ST6GALNAC5: variants seen among roughly 807,000 people sequenced by gnomAD.
ST6GALNAC5 encodes the protein ST6 N-acetylgalactosaminide alpha-2,6-sialyltransferase 5.
ST6GALNAC5 carries 27 observed loss-of-function variants against 33.6 expected under a neutral mutation model. The ratio of observed to expected loss-of-function variants is 0.80; its 90% CI spans 0.59 to 1.11. The LOEUF (loss-of-function observed/expected upper bound fraction) is 1.11. Among genes scored for constraint, ST6GALNAC5 ranks in the 50% least tolerant of loss-of-function variants. The probability of loss-of-function intolerance (pLI) is 0.00; values close to 1 mark genes in which losing one functional copy is unlikely to be tolerated. For synonymous variants in ST6GALNAC5, 194 were observed against 171.2 expected, an observed-to-expected ratio of 1.13 and a Z score of -1.04; for missense variants, 428 against 454.0, an observed-to-expected ratio of 0.94 and a Z score of 0.52.
intron 2 of ST6GALNAC5, among the ~76,000 whole-genome samples, chr1:77,015,686 A>G (rs1299927093): frequency 6.6e-6 from 1 of 152,052 alleles, no homozygotes; most frequent in East Asian, 1.9e-4. Flanking sequence ...ACCTGCCTCA[A>G]TTTTGGGGTG....
chr1:76,904,416 A>G (rs1257264067), intron 2 of ST6GALNAC5, among the ~76,000 whole-genome samples: 3 of 152,214 alleles, frequency 2.0e-5, no homozygotes, highest in Admixed American at 1.3e-4. Flanking sequence ...ATATCCATCA[A>G]TATTTGAACA....
At chr1:76,874,559 G>A (rs947348327) in intron 2 of ST6GALNAC5, among the ~76,000 whole-genome samples, 5 of 152,164 alleles carry the variant, frequency 3.3e-5, no homozygotes, top group Non-Finnish European at 7.3e-5. Flanking sequence ...TTTAGAGTCC[G>A]ATATTCAAGG....
chr1:76,948,717 T>C (rs1268513195), intron 2 of ST6GALNAC5, among the ~76,000 whole-genome samples: 1 of 151,950 alleles, frequency 6.6e-6, no homozygotes, highest in Admixed American at 6.6e-5. Context: ...TCCTCCCACA[T>C]AACTACTCCC....
Position 77,004,380 on chromosome 1 carries a change from G to A in ST6GALNAC5, c.262-39824G>A, listed in dbSNP as rs1254738918. Among the ~76,000 whole-genome samples, 558 of 146,938 alleles carry A rather than the reference G, an allele frequency of 3.8e-3. 5 individuals carry two copies. The highest frequency in any genetic ancestry group is 0.013 in the African/African-American group (520 of 40,654). ...GCACTTCTCTGTATTGGTTATTCTA[G>A]TTATACATTCTTCTAAATTTTTTCA... On this transcript the variant is annotated intron_variant, in intron 2 of 4. Coordinates refer to ENST00000477717, the MANE Select transcript of ST6GALNAC5 (RefSeq NM_030965.3).
At chr1:76,896,974 G>T (rs2100258906) in intron 2 of ST6GALNAC5, among the ~76,000 whole-genome samples, 1 of 152,252 alleles carries the variant, frequency 6.6e-6, no homozygotes, top group South Asian at 2.1e-4. Flanking sequence ...CCATGCCTAG[G>T]AAGGAAAGGA....
At chr1:76,875,732 C>T (rs1162834792) in intron 2 of ST6GALNAC5, among the ~76,000 whole-genome samples, 7 of 152,090 alleles carry the variant, frequency 4.6e-5, no homozygotes, top group Non-Finnish European at 1.0e-4. Flanking sequence ...TTCCTGGACC[C>T]GTGCATCCTG....
At position 76,967,735 on chromosome 1, in the gene ST6GALNAC5, C is replaced by G. The variant is rs528382108; in HGVS notation, c.262-76469C>G. Among the ~76,000 whole-genome samples the G allele has an allele frequency of 2.0e-5, 3 of 152,274 alleles. No individual in the cohort carries two copies. The East Asian group carries it at 5.8e-4, about 29-fold the overall frequency. ...TGGGCAGTTAGTGCTATAAATTTCCCTCTACACACTGCTTTAAATGTGTCC... is the reference window on the plus strand; with the variant it reads ...TGGGCAGTTAGTGCTATAAATTTCCGTCTACACACTGCTTTAAATGTGTCC... On this transcript the variant is annotated intron_variant, in intron 2 of 4. Coordinates refer to ENST00000477717, the MANE Select transcript of ST6GALNAC5 (RefSeq NM_030965.3).
chr1:77,054,713 T>C (rs1652335339), intron 4 of ST6GALNAC5, among the ~76,000 whole-genome samples: 1 of 152,088 alleles, frequency 6.6e-6, no homozygotes, highest in Admixed American at 6.6e-5. Flanking sequence ...AGGGGAAGTG[T>C]AGGTAACCTG....
At chr1:76,973,901 T>G (rs1407033871) in intron 2 of ST6GALNAC5, among the ~76,000 whole-genome samples, 1 of 102,400 alleles carries the variant, frequency 9.8e-6, no homozygotes, top group Non-Finnish European at 1.9e-5. Context: ...AGTTTTATGT[T>G]CTGTTTGGAT....
chr1:76,918,285 AT>A (rs1184353158), intron 2 of ST6GALNAC5, among the ~76,000 whole-genome samples: 2 of 152,076 alleles, frequency 1.3e-5, no homozygotes, highest in Admixed American at 6.6e-5. Flanking sequence ...TGTTTGGGTC[AT>A]TTTTACCACA....
chr1:76,906,974 A>G (rs975770542), intron 2 of ST6GALNAC5, among the ~76,000 whole-genome samples: 2 of 152,126 alleles, frequency 1.3e-5, no homozygotes, highest in Admixed American at 6.6e-5. Context: ...TCAACCTTGG[A>G]TTCTGCCATC....
chr1:77,026,154 G>A (rs1305376892), intron 2 of ST6GALNAC5, among the ~76,000 whole-genome samples: 1 of 152,100 alleles, frequency 6.6e-6, no homozygotes, highest in Non-Finnish European at 1.5e-5. Flanking sequence ...TTATTTTAAA[G>A]GTCATGCATG....
rs375006640 is a variant in ST6GALNAC5, at chr1:76,897,413, G to A, written c.261+28671G>A. Among the ~76,000 whole-genome samples, 3 of 152,192 alleles carry A rather than the reference G, an allele frequency of 2.0e-5. 1 individual carries two copies. Among genetic ancestry groups the A allele is most frequent in the Non-Finnish European group, 4.4e-5 (3 of 68,032 alleles). ...TTGTCTGGTTTTAGACAGATAAAAT[G>A]GGGGAATTGTAAGGAGAGTTTATAG... On this transcript the variant is annotated intron_variant, in intron 2 of 4. Coordinates refer to ENST00000477717, the MANE Select transcript of ST6GALNAC5 (RefSeq NM_030965.3).
At chr1:76,974,410 C>T (rs1299952079) in intron 2 of ST6GALNAC5, among the ~76,000 whole-genome samples, 5 of 151,574 alleles carry the variant, frequency 3.3e-5, no homozygotes, top group Admixed American at 6.6e-5. Flanking sequence ...GTTTCTCTTC[C>T]CAGGCAGGTC....
In ST6GALNAC5 at chr1:76,913,432, G is replaced by A. The variant is rs558363449; in HGVS notation, c.261+44690G>A. 5.3e-5 allele frequency among the ~76,000 whole-genome samples: 8 copies of A among 151,842 alleles called. No individual in the cohort carries two copies. In the East Asian group the frequency reaches 5.8e-4, roughly 11 times the overall value. On this transcript the variant is annotated intron_variant, in intron 2 of 4. Coordinates refer to ENST00000477717, the MANE Select transcript of ST6GALNAC5 (RefSeq NM_030965.3). Reference sequence around the variant, plus strand: ...TCTTCTCAAGGAGTATCTTTGTGGCGTTCTCTGTATTTCCTGAATCTGAAT... The same window carrying A: ...TCTTCTCAAGGAGTATCTTTGTGGCATTCTCTGTATTTCCTGAATCTGAAT...
chr1:76,875,209 C>A (rs1022208724), intron 2 of ST6GALNAC5, among the ~76,000 whole-genome samples: 1 of 152,172 alleles, frequency 6.6e-6, no homozygotes, highest in Non-Finnish European at 1.5e-5. Flanking sequence ...CATTGTCTTC[C>A]CTTTGCCTTC....
intron 2 of ST6GALNAC5, among the ~76,000 whole-genome samples, chr1:76,871,970 A>G (rs1285428954): frequency 6.6e-6 from 1 of 152,030 alleles, no homozygotes; most frequent in Non-Finnish European, 1.5e-5. Flanking sequence ...GTGGAAGCCA[A>G]TGATAACAAG....
In ST6GALNAC5 at chr1:76,868,717, G is replaced by A; in HGVS notation, c.236G>A (p.Gly79Glu). Residue 79 changes from glycine to glutamate, a missense_variant, in exon 2 of 5, where the codon GGA becomes GAA. Transcript: ENST00000477717. The surrounding 1 kb of genome is among the most constrained non-coding windows in gnomAD (Gnocchi z 4.3). ...CCCGCGGGACCGCGGCCACTGGACG[G>A]ATACCTCGGAGTGGCGGACCACAAG... The part of the protein sequence containing the change: ...GVPAGPRPLD[G>E]YLGVADHKPL... 6.6e-7 allele frequency: 1 copy of A among 1,520,614 alleles called. No individual in the cohort carries two copies. 94.2% of individuals were successfully genotyped at this position (1,520,614 alleles called of 1,614,324 possible). A position where few individuals can be genotyped will look rare whatever the true frequency, so the allele number is the denominator to read the frequency against.
chr1:76,870,027 G>A (rs965028980), intron 2 of ST6GALNAC5, among the ~76,000 whole-genome samples: 4 of 152,166 alleles, frequency 2.6e-5, no homozygotes, highest in East Asian at 1.9e-4. Context: ...AGCAAAAAAG[G>A]AGGAATCAAT....
Sources: gnomAD v4.1 joint callset for allele counts (sites outside exome capture counted in the v4.1 genomes callset) on GRCh38, gnomAD v4.1.1 for gene constraint, Gnocchi (gnomAD v3.1) non-coding constraint, MANE v1.5 for transcripts, NCBI Gene and HGNC (gene_info 2026-07-23, HGNC 2026-07-21) for gene names.